The following AGAP6 variants were observed in gnomAD, a reference collection of about 807,000 sequenced individuals.
The protein encoded by AGAP6 is ArfGAP with GTPase domain, ankyrin repeat and PH domain 6.
A neutral mutation model predicts 63.9 loss-of-function variants in AGAP6; 29 were observed. That is an observed-to-expected ratio of 0.45 (90% CI 0.34 to 0.62). The LOEUF (loss-of-function observed/expected upper bound fraction) is 0.62, where lower values mean the gene tolerates loss of function less well. Among genes scored for constraint, AGAP6 ranks in the 20% least tolerant of loss-of-function variants. The pLI is 0.01. For missense variants in AGAP6, 493 were observed against 884.9 expected, an observed-to-expected ratio of 0.56 and a Z score of 5.62; for synonymous variants, 199 against 332.9, an observed-to-expected ratio of 0.60 and a Z score of 4.38.
chr10:49,989,245 A>G, intron 1 of AGAP6, 63 bp from the exon 2 acceptor site: 2 of 1,593,690 alleles, frequency 1.3e-6, no homozygotes, highest in Non-Finnish European at 8.5e-7. Flanking sequence ...CAGTTGAATA[A>G]ATAAGTTGAT....
At chr10:50,003,389 T>C (rs1231957031) in intron 5 of AGAP6, among the ~76,000 whole-genome samples, 1 of 151,946 alleles carries the variant, frequency 6.6e-6, no homozygotes, top group Non-Finnish European at 1.5e-5. Flanking sequence ...AAGGTTTTTT[T>C]CAAAATACAA....
At chr10:49,989,896 G>GA (rs1554860477) in intron 2 of AGAP6, among the ~76,000 whole-genome samples, 1 of 152,180 alleles carries the variant, frequency 6.6e-6, no homozygotes, top group African/African-American at 2.4e-5. Context: ...TACTTTAACA[G>GA]AAAATGTGTC....
intron 2 of AGAP6, among the ~76,000 whole-genome samples, chr10:49,990,276 T>TAA (rs1159258624): frequency 2.0e-3 from 300 of 147,734 alleles, no homozygotes; most frequent in African/African-American, 7.0e-3. Flanking sequence ...CTGTCTCTAC[T>TAA]AAAAAAAAAA....
At chr10:49,990,265 G>A (rs1394492471) in intron 2 of AGAP6, among the ~76,000 whole-genome samples, 4 of 151,918 alleles carry the variant, frequency 2.6e-5, no homozygotes, top group Non-Finnish European at 1.5e-5. Flanking sequence ...ATGGTGAAAC[G>A]CTGTCTCTAC....
chr10:50,008,501 C>G (rs1184030058), intron 7 of AGAP6: 1 of 474,640 alleles, frequency 2.1e-6, no homozygotes, highest in Non-Finnish European at 2.7e-6. Context: ...TTTGTAAAGA[C>G]AGGGTTTCAC....
intron 2 of AGAP6, among the ~76,000 whole-genome samples, chr10:49,989,738 A>T (rs1841194681): frequency 6.6e-6 from 1 of 152,206 alleles, no homozygotes; most frequent in Admixed American, 6.5e-5. Flanking sequence ...ATTTGAACAC[A>T]AAAGGAAAAA....
chr10:49,993,323 C>G (rs1413015867), intron 3 of AGAP6, among the ~76,000 whole-genome samples: 1 of 152,140 alleles, frequency 6.6e-6, no homozygotes, highest in Non-Finnish European at 1.5e-5. Context: ...AAAAGCTATT[C>G]CATGTCCCTC....
At chr10:50,001,328 T>A (rs1245736913) in intron 4 of AGAP6, among the ~76,000 whole-genome samples, 1 of 149,162 alleles carries the variant, frequency 6.7e-6, no homozygotes, top group Non-Finnish European at 1.5e-5. Context: ...AGACTCCGTC[T>A]CAAAAATAAA....
At chr10:50,004,210 T>C (rs1310433812) in intron 5 of AGAP6, among the ~76,000 whole-genome samples, 1 of 131,762 alleles carries the variant, frequency 7.6e-6, no homozygotes, top group Non-Finnish European at 1.6e-5. Flanking sequence ...AAAAAAATTA[T>C]CTGAGCATAG....
At chr10:49,993,819 CA>C (rs527964744) in intron 3 of AGAP6, among the ~76,000 whole-genome samples, 79,835 of 103,698 alleles carry the variant, frequency 0.77, 31,584 homozygotes, top group East Asian at 0.93. Context: ...GACTCCATCT[CA>C]AAAAAAAAAA....
intron 4 of AGAP6, among the ~76,000 whole-genome samples, chr10:49,999,904 G>A (rs1327908106): frequency 2.1e-5 from 3 of 142,404 alleles, no homozygotes; most frequent in Admixed American, 7.7e-5. Flanking sequence ...AAAATACTTC[G>A]GAATAGACCT....
chr10:50,010,279 A>G lies in AGAP6; in HGVS notation c.*93A>G. The stretch of plus-strand genomic sequence containing the variant: ...AATTTCAAAAGGAAATCACAAATTC[A>G]GCTAATATTAGCATTTTCAGTACTT... On this transcript the variant is annotated 3_prime_UTR_variant, in exon 8 of 8. Transcript: ENST00000412531. 1 of 1,603,866 alleles carries G rather than the reference A, an allele frequency of 6.2e-7. No homozygotes were observed. The highest frequency in any genetic ancestry group is 8.5e-7 in the Non-Finnish European group (1 of 1,173,660).
rs1232637112 is a variant in AGAP6 at position 49,999,014 on chromosome 10, C to T, written c.397-2982C>T. On this transcript the variant is annotated intron_variant, in intron 4 of 7. Coordinates refer to ENST00000412531, the MANE Select transcript of AGAP6 (RefSeq NM_001077665.3). ...GGATCATGAGGTCAGGAGCGGGAGA[C>T]GGATCATGAGGTCAGGAGTTCGAGA... Among the ~76,000 whole-genome samples the T allele has an allele frequency of 1.1e-4, 15 of 140,780 alleles. 3 individuals are homozygous for T. The highest frequency in any genetic ancestry group is 1.9e-4 in the African/African-American group (7 of 36,594). The allele number at this position is 140,780 out of a possible 152,430, so 92.4% of individuals were successfully genotyped here.
At chr10:49,999,290 A>G (rs1460269010) in intron 4 of AGAP6, among the ~76,000 whole-genome samples, 2 of 136,310 alleles carry the variant, frequency 1.5e-5, no homozygotes, top group Non-Finnish European at 3.1e-5. Context: ...CATACCAGGG[A>G]TGCAGGGATG....
In AGAP6 at chr10:49,999,958, A is replaced by G. The variant is rs369016651; in HGVS notation, c.397-2038A>G. ...TGTCTACAAGGAAAACAACTTTAGT[A>G]TTTTTAATGGGTTAAAATGAGAGGC... On this transcript the variant is annotated intron_variant, in intron 4 of 7. Transcript: ENST00000412531. 7.1e-5 allele frequency among the ~76,000 whole-genome samples: 10 copies of G among 141,004 alleles called. 3 individuals are homozygous for G. The East Asian group carries it at 1.4e-3, about 20-fold the overall frequency. The allele number at this position is 141,004 out of a possible 152,430, so 92.5% of individuals were successfully genotyped here.
chr10:49,997,581 T>C (rs1377770951), intron 4 of AGAP6, among the ~76,000 whole-genome samples: 1 of 152,128 alleles, frequency 6.6e-6, no homozygotes, highest in African/African-American at 2.4e-5. Context: ...ATATGAACTT[T>C]AGTCTTTGTT....
intron 4 of AGAP6, among the ~76,000 whole-genome samples, chr10:49,995,821 T>C (rs1279955392): frequency 6.6e-6 from 1 of 152,256 alleles, no homozygotes; most frequent in Non-Finnish European, 1.5e-5. Context: ...CTAAATTTTA[T>C]GGTTCTGAAG....
In AGAP6 at chr10:50,008,753, A is replaced by G. The variant is rs1842005965; in HGVS notation, c.628A>G (p.Ser210Gly). ...TATGAAGAAAAGAAATGGAGGTGGG[A>G]GTTTAAATAACTATTCCTCCTCCAT... is the stretch of plus-strand genomic sequence containing the variant. ...HIMKKRNGGG[S>G]LNNYSSSIPS... Residue 210 changes from serine to glycine, a missense_variant, in exon 8 of 8, where the codon AGT becomes GGT. Ser to Gly is a moderately conservative substitution (Grantham distance 56). This residue lies in a region of AGAP6 where 342 missense variants were observed against 533.4 expected (regional missense o/e 0.64). Coordinates refer to ENST00000412531, the MANE Select transcript of AGAP6 (RefSeq NM_001077665.3). 1.9e-6 allele frequency: 3 copies of G among 1,614,100 alleles called. No individual in the cohort carries two copies. Among genetic ancestry groups the G allele is most frequent in the Non-Finnish European group, 2.5e-6 (3 of 1,180,000 alleles).
intron 4 of AGAP6, among the ~76,000 whole-genome samples, chr10:50,001,421 CTTT>C (rs1158013781): frequency 3.5e-5 from 3 of 86,278 alleles, no homozygotes; most frequent in South Asian, 9.1e-4. Flanking sequence ...TTAAACTTTT[CTTT>C]TTTTTTTTTT....
Sources: allele counts gnomAD v4.1 joint callset (sites outside exome capture counted in the v4.1 genomes callset), GRCh38; gene constraint gnomAD v4.1.1; regional missense constraint gnomAD v4.1.1; transcripts MANE v1.5; gene names NCBI Gene and HGNC (gene_info 2026-07-23, HGNC 2026-07-21).